COLEC10: variants seen among roughly 807,000 people sequenced by gnomAD.
The protein encoded by COLEC10 is collectin-10.
Under a neutral mutation model 28.4 loss-of-function variants are expected in COLEC10, and 22 were observed. That is an observed-to-expected ratio of 0.78 (90% CI 0.55 to 1.11). The LOEUF (loss-of-function observed/expected upper bound fraction) is 1.11, where lower values mean the gene tolerates loss of function less well. COLEC10 is among the 50% of genes least tolerant of loss of function. COLEC10 has a pLI of 0.00. For missense variants in COLEC10, 361 were observed against 344.1 expected (o/e 1.05, Z -0.39); for synonymous variants, 125 against 116.1 (o/e 1.08, Z -0.49).
chr8:119,069,623 AAAAAAAATATATATATAT>A (rs1379296383), intron 1 of COLEC10, among the ~76,000 whole-genome samples: 28 of 54,348 alleles, frequency 5.2e-4, no homozygotes, highest in African/African-American at 1.8e-3. Context: ...AAAAAAAAAA[AAAAAAAATATATATATAT>A]ATATATATAT....
At chr8:118,954,912 A>G in the COLEC10 span, among the ~76,000 whole-genome samples, 1 of 152,248 alleles carries the variant, frequency 6.6e-6, no homozygotes. Context: ...CCTGAGACTC[A>G]GGAAAGCAAT....
upstream of COLEC10, among the ~76,000 whole-genome samples, chr8:118,994,009 A>G (rs1186257583): frequency 6.6e-6 from 1 of 152,162 alleles, no homozygotes; most frequent in African/African-American, 2.4e-5. Context: ...TCAGGTGATC[A>G]TCATCTTAAG....
At chr8:119,082,971 T>C (rs187768889) in intron 1 of COLEC10, among the ~76,000 whole-genome samples, 2 of 152,324 alleles carry the variant, frequency 1.3e-5, no homozygotes, top group East Asian at 3.9e-4. Context: ...TCTTTGTCCA[T>C]CTTCTCCTGA....
intron 1 of COLEC10, among the ~76,000 whole-genome samples, chr8:119,069,088 G>A (rs1815034443): frequency 6.6e-6 from 1 of 152,090 alleles, no homozygotes; most frequent in African/African-American, 2.4e-5. Context: ...GCTAAGATAA[G>A]TAACCTGTCC....
chr8:119,049,524 C>G (rs914175401), intron 2 of COLEC10, among the ~76,000 whole-genome samples: 2 of 147,730 alleles, frequency 1.4e-5, no homozygotes, highest in Non-Finnish European at 3.0e-5. Context: ...ACGCCATTCT[C>G]CTGCCCCAGC....
chr8:119,076,691 A>G (rs1432053264), intron 1 of COLEC10, among the ~76,000 whole-genome samples: 2 of 152,262 alleles, frequency 1.3e-5, no homozygotes, highest in Non-Finnish European at 2.9e-5. Context: ...CATTGAGTGC[A>G]GTCAAAAATA....
chr8:119,044,937 G>T (rs1477795246), intron 2 of COLEC10, among the ~76,000 whole-genome samples: 3 of 151,876 alleles, frequency 2.0e-5, no homozygotes, highest in Non-Finnish European at 4.4e-5. Flanking sequence ...ATTTCTCTGG[G>T]CTCTATCTTT....
chr8:119,020,574 G>A (rs1814073288), intron 2 of COLEC10, among the ~76,000 whole-genome samples: 1 of 152,218 alleles, frequency 6.6e-6, no homozygotes, highest in African/African-American at 2.4e-5. Flanking sequence ...GCCAGTTGTG[G>A]ATGAACTTAG....
the COLEC10 span, among the ~76,000 whole-genome samples, chr8:118,985,516 G>A: frequency 6.6e-6 from 1 of 151,990 alleles, no homozygotes; most frequent in Non-Finnish European, 1.5e-5. Flanking sequence ...AAAAAAAAAG[G>A]TGATTTAAAC....
intron 1 of COLEC10, among the ~76,000 whole-genome samples, chr8:118,996,614 T>G (rs562662063): frequency 1.1e-3 from 161 of 152,292 alleles, no homozygotes; most frequent in Non-Finnish European, 3.4e-4. Context: ...ATTAGTGACG[T>G]TGGGCATCTT....
At chr8:119,029,072 T>A (rs1468975280) in intron 2 of COLEC10, among the ~76,000 whole-genome samples, 2 of 152,120 alleles carry the variant, frequency 1.3e-5, no homozygotes, top group African/African-American at 4.8e-5. Context: ...TCGCAGGGAA[T>A]GTGCAACATG....
At chr8:119,002,794 A>G (rs1323491688) in intron 1 of COLEC10, among the ~76,000 whole-genome samples, 1 of 152,182 alleles carries the variant, frequency 6.6e-6, no homozygotes, top group Non-Finnish European at 1.5e-5. Context: ...AAGCTTTGCT[A>G]AAATAGGTGA....
chr8:119,094,514 A>G (rs547333208), intron 3 of COLEC10, among the ~76,000 whole-genome samples: 2 of 152,318 alleles, frequency 1.3e-5, no homozygotes, highest in East Asian at 3.9e-4. Flanking sequence ...ATCTGAAGGT[A>G]TGACAGTGCA....
intron 1 of COLEC10, among the ~76,000 whole-genome samples, chr8:119,007,228 A>G (rs920844696): frequency 3.9e-5 from 6 of 152,134 alleles, no homozygotes; most frequent in African/African-American, 1.4e-4. Flanking sequence ...CTGGCATACC[A>G]TAACTAATAA....
At chr8:118,985,671 G>C in the COLEC10 span, among the ~76,000 whole-genome samples, 1 of 151,940 alleles carries the variant, frequency 6.6e-6, no homozygotes, top group African/African-American at 2.4e-5. Context: ...AGAAAATAAA[G>C]GGGTCTAGAA....
intron 1 of COLEC10, among the ~76,000 whole-genome samples, chr8:119,007,125 C>G (rs974388522): frequency 1.3e-5 from 2 of 152,054 alleles, no homozygotes; most frequent in African/African-American, 4.8e-5. Flanking sequence ...ACTTGGAAAA[C>G]AGTTCCCTAG....
At chr8:119,004,984 T>G (rs1813767924) in intron 1 of COLEC10, among the ~76,000 whole-genome samples, 1 of 152,102 alleles carries the variant, frequency 6.6e-6, no homozygotes, top group African/African-American at 2.4e-5. Context: ...AAACTTTTAT[T>G]ATTCTAACAT....
chr8:119,083,514 C>T (rs1815408606), intron 1 of COLEC10, among the ~76,000 whole-genome samples: 1 of 151,940 alleles, frequency 6.6e-6, no homozygotes, highest in Non-Finnish European at 1.5e-5. Context: ...GAGTGGATAC[C>T]AAGAAAATGA....
At chr8:119,078,067 A>G (rs970908910) in intron 1 of COLEC10, among the ~76,000 whole-genome samples, 4 of 152,208 alleles carry the variant, frequency 2.6e-5, no homozygotes, top group Non-Finnish European at 5.9e-5. Flanking sequence ...GAACCCACTC[A>G]TTACCACAAG....
Sources: gnomAD v4.1 joint callset for allele counts (sites outside exome capture counted in the v4.1 genomes callset) on GRCh38, gnomAD v4.1.1 for gene constraint, MANE v1.5 for transcripts, NCBI Gene and HGNC (gene_info 2026-07-23, HGNC 2026-07-21) for gene names.